The following CCBE1 variants were observed in gnomAD, a reference collection of about 807,000 sequenced individuals.
CCBE1 encodes the protein collagen and calcium binding EGF domains 1.
In CCBE1, 37 loss-of-function variants were observed where a neutral mutation model predicts 50.0. The ratio of observed to expected loss-of-function variants is 0.74; its 90% CI spans 0.57 to 0.97. The LOEUF (loss-of-function observed/expected upper bound fraction) is 0.97, where lower values mean the gene tolerates loss of function less well. Ranked by LOEUF, CCBE1 falls within the 50% of genes least tolerant of loss-of-function variation. The pLI, the probability that CCBE1 is intolerant of heterozygous loss-of-function variation, is 0.00. For missense variants in CCBE1, 538 were observed against 523.8 expected (o/e 1.03, Z -0.26); for synonymous variants, 234 against 203.7 (o/e 1.15, Z -1.27).
chr18:59,477,823 T>C (rs1162770722), intron 3 of CCBE1, among the ~76,000 whole-genome samples: 2 of 152,166 alleles, frequency 1.3e-5, no homozygotes, highest in Non-Finnish European at 2.9e-5. Context: ...ATTGCCTTTA[T>C]CTGGAGATTA....
intron 2 of CCBE1, among the ~76,000 whole-genome samples, chr18:59,517,946 AG>A (rs1914444012): frequency 1.3e-5 from 2 of 152,192 alleles, no homozygotes; most frequent in Admixed American, 6.5e-5. Flanking sequence ...TGTTGGGCAC[AG>A]GGGTGTGCTG....
chr18:59,568,141 C>G (rs1190700674), intron 2 of CCBE1: 1 of 151,012 alleles, frequency 6.6e-6, no homozygotes, highest in African/African-American at 2.4e-5. Context: ...GTCCTGATAT[C>G]TCAAATTATC....
intron 2 of CCBE1, among the ~76,000 whole-genome samples, chr18:59,599,343 T>C (rs1210583839): frequency 6.6e-6 from 1 of 152,214 alleles, no homozygotes; most frequent in Non-Finnish European, 1.5e-5. Context: ...ATAATATATA[T>C]GCAAGCACTC....
At chr18:59,468,056 T>C (rs1911836874) in intron 4 of CCBE1, among the ~76,000 whole-genome samples, 1 of 152,172 alleles carries the variant, frequency 6.6e-6, no homozygotes, top group Non-Finnish European at 1.5e-5. Context: ...GAACTCTTAG[T>C]AGAAGCCAAG....
chr18:59,487,167 A>C (rs1912862904), intron 2 of CCBE1, among the ~76,000 whole-genome samples: 1 of 149,802 alleles, frequency 6.7e-6, no homozygotes, highest in Non-Finnish European at 1.5e-5. Flanking sequence ...ACTCAGGCCT[A>C]AATGGAGACT....
intron 2 of CCBE1, among the ~76,000 whole-genome samples, chr18:59,590,338 C>T (rs928691438): frequency 1.8e-4 from 27 of 152,172 alleles, no homozygotes; most frequent in African/African-American, 6.5e-4. Flanking sequence ...ATTTGAAAAA[C>T]ATAAATGAAG....
At chr18:59,529,328 G>A (rs1162934660) in intron 2 of CCBE1, among the ~76,000 whole-genome samples, 1 of 152,210 alleles carries the variant, frequency 6.6e-6, no homozygotes, top group East Asian at 1.9e-4. Context: ...ACTGGCAGGG[G>A]AAAATGGCAG....
At chr18:59,571,609 G>A (rs117634223) in intron 2 of CCBE1, among the ~76,000 whole-genome samples, 6,312 of 152,068 alleles carry the variant, frequency 0.042, 176 homozygotes, top group Non-Finnish European at 0.064. Flanking sequence ...ATGTACCCTA[G>A]AACTTAAAGT....
chr18:59,603,683 C>G (rs1440171899), intron 2 of CCBE1, among the ~76,000 whole-genome samples: 1 of 152,202 alleles, frequency 6.6e-6, no homozygotes, highest in African/African-American at 2.4e-5. Context: ...CTTTCTTTCT[C>G]CCACCCCAGA....
chr18:59,496,507 A>G (rs558506553), intron 2 of CCBE1, among the ~76,000 whole-genome samples: 18 of 152,350 alleles, frequency 1.2e-4, no homozygotes, highest in Admixed American at 4.6e-4. Flanking sequence ...AGGGATTGAC[A>G]GGAGCAAAGG....
chr18:59,510,421 T>A (rs931925337), intron 2 of CCBE1, among the ~76,000 whole-genome samples: 17 of 151,966 alleles, frequency 1.1e-4, no homozygotes, highest in African/African-American at 4.1e-4. Flanking sequence ...AAGTTGCAAA[T>A]TGAACTTTTT....
At chr18:59,640,881 G>A (rs1208018916) in intron 2 of CCBE1, among the ~76,000 whole-genome samples, 2 of 152,090 alleles carry the variant, frequency 1.3e-5, no homozygotes, top group Admixed American at 6.6e-5. Context: ...AGAAGCATAT[G>A]AAAAAATGCT....
chr18:59,534,919 A>G (rs1915189614), intron 2 of CCBE1, among the ~76,000 whole-genome samples: 1 of 152,250 alleles, frequency 6.6e-6, no homozygotes, highest in African/African-American at 2.4e-5. Context: ...TTAGAAGAAA[A>G]AACAGAACAA....
chr18:59,686,516 G>A (rs1354403095), intron 2 of CCBE1, among the ~76,000 whole-genome samples: 1 of 152,210 alleles, frequency 6.6e-6, no homozygotes, highest in Admixed American at 6.5e-5. Context: ...AGCTAGAACA[G>A]CTTCTGACAG....
At chr18:59,541,674 A>C (rs147695017) in intron 2 of CCBE1, among the ~76,000 whole-genome samples, 59 of 152,234 alleles carry the variant, frequency 3.9e-4, no homozygotes, top group African/African-American at 1.3e-3. Context: ...CAGCAGGAGG[A>C]GTGAGGAAGC....
intron 2 of CCBE1, among the ~76,000 whole-genome samples, chr18:59,587,409 A>G (rs1384047794): frequency 6.6e-6 from 1 of 152,234 alleles, no homozygotes; most frequent in Non-Finnish European, 1.5e-5. Flanking sequence ...AACAGGTACC[A>G]AAAAGCATTT....
chr18:59,456,411 T>A (rs1362547142), intron 5 of CCBE1, among the ~76,000 whole-genome samples: 2 of 152,174 alleles, frequency 1.3e-5, no homozygotes, highest in Admixed American at 1.3e-4. Flanking sequence ...TCCAATATGA[T>A]GGGTGTCTTT....
intron 2 of CCBE1, among the ~76,000 whole-genome samples, chr18:59,650,093 A>G (rs778949700): frequency 3.3e-5 from 5 of 152,090 alleles, no homozygotes; most frequent in Non-Finnish European, 7.4e-5. Flanking sequence ...TCCCAGCTTC[A>G]AGGCCACAGG....
intron 2 of CCBE1, among the ~76,000 whole-genome samples, chr18:59,669,741 A>G (rs1329649232): frequency 6.6e-6 from 1 of 152,206 alleles, no homozygotes; most frequent in Non-Finnish European, 1.5e-5. Context: ...CCGGAGGGGC[A>G]CTGGAGTTAG....
Sources: allele counts gnomAD v4.1 joint callset (sites outside exome capture counted in the v4.1 genomes callset), GRCh38; gene constraint gnomAD v4.1.1; transcripts MANE v1.5; gene names NCBI Gene and HGNC (gene_info 2026-07-23, HGNC 2026-07-21).